MAP3K14: variants seen among roughly 807,000 people sequenced by gnomAD.
MAP3K14 encodes the protein mitogen-activated protein kinase kinase kinase 14.
Under a neutral mutation model 99.2 loss-of-function variants are expected in MAP3K14, and 16 were observed. The observed-to-expected ratio is 0.16, with a 90% CI of 0.11 to 0.24. The LOEUF is 0.24. MAP3K14 is among the 10% of genes least tolerant of loss of function. The probability of loss-of-function intolerance (pLI) is 1.00; values close to 1 mark genes in which losing one functional copy is unlikely to be tolerated. For missense variants in MAP3K14, 784 were observed against 1,208.7 expected, an observed-to-expected ratio of 0.65 and a Z score of 5.21; for synonymous variants, 462 against 492.4, an observed-to-expected ratio of 0.94 and a Z score of 0.82.
At chr17:45,287,387 G>A (rs768293448) in intron 3 of MAP3K14, 23 bp from the exon 4 acceptor site, 40 of 1,602,080 alleles carry the variant, frequency 2.5e-5, no homozygotes, top group Admixed American at 3.3e-5. Flanking sequence ...GGACAGATTT[G>A]CATATTGAGC....
In MAP3K14 at chr17:45,289,292, T is replaced by C. The variant is rs2044293009; in HGVS notation, c.270A>G (p.Gln90=). 1 of 1,614,018 alleles carries C rather than the reference T, an allele frequency of 6.2e-7. No homozygotes were observed. Among genetic ancestry groups the C allele is most frequent in the African/African-American group, 1.3e-5 (1 of 75,062 alleles). ...GTTCTGAAAAGGTGGGGCTGAACTC[T>C]TGGCTATTCTCACCTAAAGCAAAAG... ...IIAQAECENS[Q]EFSPTFSERI... is the part of the protein sequence containing the mutation. The change falls in exon 3 of 16, where the codon CAA becomes CAG. Residue 90 remains glutamine, a synonymous_variant. Transcript: ENST00000344686.
At chr17:45,313,809 G>C (rs2044505019) in intron 1 of MAP3K14, among the ~76,000 whole-genome samples, 1 of 152,212 alleles carries the variant, frequency 6.6e-6, no homozygotes, top group Admixed American at 6.5e-5. Flanking sequence ...TTTGGGGGAA[G>C]AAAATCCTTA....
At position 45,299,595 on chromosome 17, in the gene MAP3K14, C is replaced by T. The variant is rs188801901; in HGVS notation, c.-20-8830G>A. Among the ~76,000 whole-genome samples, 7 of 152,226 alleles carry T rather than the reference C, an allele frequency of 4.6e-5. No individual in the cohort carries two copies. In the East Asian group the frequency reaches 1.4e-3, roughly 29 times the overall value. On this transcript the variant is annotated intron_variant, in intron 1 of 15. Coordinates refer to ENST00000344686, the MANE Select transcript of MAP3K14 (RefSeq NM_003954.5). ...AAGGAGGAAGGGGCCTTACTGGGGC[C>T]TGCACTCAGGCACTGTGAGTGAAAC...
At chr17:45,284,163 CAAG>C (rs2044245186) in intron 6 of MAP3K14, among the ~76,000 whole-genome samples, 1 of 152,220 alleles carries the variant, frequency 6.6e-6, no homozygotes, top group Non-Finnish European at 1.5e-5. Context: ...AACTCTAGGA[CAAG>C]AAGTCTATCT....
At chr17:45,277,070 C>T (rs1198470519) in intron 6 of MAP3K14, among the ~76,000 whole-genome samples, 8 of 151,746 alleles carry the variant, frequency 5.3e-5, no homozygotes, top group African/African-American at 1.2e-4. Flanking sequence ...CCTCATGATC[C>T]GCCCACCTCA....
chr17:45,283,829 A>G (rs530616336), intron 6 of MAP3K14, among the ~76,000 whole-genome samples: 8 of 152,292 alleles, frequency 5.3e-5, no homozygotes, highest in African/African-American at 1.9e-4. Flanking sequence ...GGCCAAGGGG[A>G]TGGTCCACAG....
chr17:45,274,854 C>T (rs367953246), intron 6 of MAP3K14, among the ~76,000 whole-genome samples: 40 of 152,252 alleles, frequency 2.6e-4, no homozygotes, highest in African/African-American at 8.4e-4. Flanking sequence ...AAACTACATC[C>T]GCACCGGGCG....
chr17:45,314,331 C>T (rs191305478), intron 1 of MAP3K14, among the ~76,000 whole-genome samples: 1 of 152,192 alleles, frequency 6.6e-6, no homozygotes, highest in Non-Finnish European at 1.5e-5. Context: ...TGAATGCCCA[C>T]CCAGCTCTTG....
intron 1 of MAP3K14, among the ~76,000 whole-genome samples, chr17:45,297,758 C>T (rs1176219154): frequency 1.5e-5 from 2 of 133,526 alleles, no homozygotes; most frequent in African/African-American, 2.9e-5. Flanking sequence ...CTTGCTCTGT[C>T]GCCCAGGCTA....
chr17:45,282,658 C>T (rs1029996700), intron 6 of MAP3K14, among the ~76,000 whole-genome samples: 5 of 152,066 alleles, frequency 3.3e-5, no homozygotes, highest in African/African-American at 1.2e-4. Flanking sequence ...GCATCTAGAT[C>T]AGGAGGATGA....
intron 15 of MAP3K14, among the ~76,000 whole-genome samples, 168 bp downstream of exon 15, chr17:45,264,995 C>G (rs1015777114): frequency 3.3e-5 from 5 of 152,216 alleles, no homozygotes; most frequent in African/African-American, 1.2e-4. Context: ...GCCAGCCTTG[C>G]TTTGAGGCCC....
chr17:45,300,122 A>G (rs1598262318), intron 1 of MAP3K14, among the ~76,000 whole-genome samples: 2 of 152,120 alleles, frequency 1.3e-5, no homozygotes, highest in Non-Finnish European at 2.9e-5. Context: ...TGCCAATCCC[A>G]CAGGTCAAAC....
intron 1 of MAP3K14, among the ~76,000 whole-genome samples, chr17:45,291,789 A>G (rs1267495365): frequency 1.3e-5 from 2 of 152,240 alleles, no homozygotes; most frequent in Non-Finnish European, 2.9e-5. Flanking sequence ...GAAGGTCCCA[A>G]ATGCAGACAG....
chr17:45,265,134 G>T (rs200841258), intron 15 of MAP3K14, 29 bp downstream of exon 15: 3 of 1,564,008 alleles, frequency 1.9e-6, no homozygotes, highest in Non-Finnish European at 2.6e-6. Context: ...CTGGGACTCT[G>T]CCCGTCAGAG....
intron 6 of MAP3K14, among the ~76,000 whole-genome samples, chr17:45,276,019 C>T (rs1457616641): frequency 6.6e-5 from 10 of 152,110 alleles, no homozygotes; most frequent in Non-Finnish European, 1.3e-4. Flanking sequence ...CGTTGGCCTC[C>T]CAAAGTGCTA....
At chr17:45,299,191 G>T (rs2044368428) in intron 1 of MAP3K14, among the ~76,000 whole-genome samples, 1 of 152,070 alleles carries the variant, frequency 6.6e-6, no homozygotes, top group African/African-American at 2.4e-5. Context: ...AGTGAGCGGG[G>T]TATAATTCCA....
intron 1 of MAP3K14, among the ~76,000 whole-genome samples, chr17:45,305,049 G>GA (rs2044420244): frequency 6.6e-6 from 1 of 152,198 alleles, no homozygotes; most frequent in East Asian, 1.9e-4. Context: ...TGAGCAGTCA[G>GA]ACCTTTGTAT....
At chr17:45,296,855 T>A (rs1199902045) in intron 1 of MAP3K14, among the ~76,000 whole-genome samples, 1 of 152,216 alleles carries the variant, frequency 6.6e-6, no homozygotes, top group South Asian at 2.1e-4. Context: ...CTTTAAGGCC[T>A]ATCTACTCAA....
intron 1 of MAP3K14, among the ~76,000 whole-genome samples, chr17:45,301,327 G>T (rs2044386467): frequency 6.6e-6 from 1 of 152,156 alleles, no homozygotes; most frequent in Non-Finnish European, 1.5e-5. Context: ...GCCAGGCATG[G>T]TGGCACATGC....
Sources: allele counts gnomAD v4.1 joint callset (sites outside exome capture counted in the v4.1 genomes callset), GRCh38; gene constraint gnomAD v4.1.1; transcripts MANE v1.5; gene names NCBI Gene and HGNC (gene_info 2026-07-23, HGNC 2026-07-21).